The following FAM184B variants were observed in gnomAD, a reference collection of about 807,000 sequenced individuals.
FAM184B encodes the protein family with sequence similarity 184 member B, also known as protein FAM184B.
Under a neutral mutation model 135.9 loss-of-function variants are expected in FAM184B, and 111 were observed. The ratio of observed to expected loss-of-function variants is 0.82; its 90% confidence interval spans 0.70 to 0.96. The LOEUF is 0.96. Ranked by LOEUF, FAM184B falls within the 40% of genes least tolerant of loss-of-function variation. The pLI is 0.00. For synonymous variants in FAM184B, 552 were observed against 524.8 expected (o/e 1.05, Z -0.71); for missense variants, 1,375 against 1,323.9 (o/e 1.04, Z -0.60).
rs1381055487 is a variant in FAM184B at position 17,781,192 on chromosome 4, C to G, written c.108G>C (p.Val36=). ...WRMDCDPQMH[V]KMCKKIAQLT... ...GCTGGGCGATCTTCTTGCACATTTTCACGTGCATCTGGGGATCACAGTCCA... is the reference window on the plus strand; with the variant it reads ...GCTGGGCGATCTTCTTGCACATTTTGACGTGCATCTGGGGATCACAGTCCA... The change falls in exon 1 of 18, where the codon GTG becomes GTC. Residue 36 remains valine, a synonymous_variant. Transcript: ENST00000265018. This position sits in a 1 kb window ranked among gnomAD's most constrained non-coding sequence, Gnocchi z 6.5. 1 of 1,549,980 alleles carries G rather than the reference C, an allele frequency of 6.5e-7. No homozygotes were observed.
intron 1 of FAM184B, among the ~76,000 whole-genome samples, chr4:17,765,949 T>C (rs1046024283): frequency 3.3e-5 from 5 of 152,170 alleles, no homozygotes; most frequent in Non-Finnish European, 7.3e-5. Flanking sequence ...CTAGAATTAC[T>C]CCTTCCTTCT....
chr4:17,765,391 C>CAATATTGATTAT (rs1302041890), intron 1 of FAM184B, among the ~76,000 whole-genome samples: 3 of 151,986 alleles, frequency 2.0e-5, no homozygotes, highest in African/African-American at 7.3e-5. Flanking sequence ...GGGGCCACTA[C>CAATATTGATTAT]AATATTGATT....
intron 1 of FAM184B, among the ~76,000 whole-genome samples, chr4:17,731,096 A>T (rs543992541): frequency 5.9e-5 from 9 of 152,340 alleles, no homozygotes; most frequent in African/African-American, 1.9e-4. Context: ...AGTGAAGGAG[A>T]AATAAAATAC....
At chr4:17,729,198 G>A (rs1717713183) in intron 1 of FAM184B, among the ~76,000 whole-genome samples, 1 of 152,250 alleles carries the variant, frequency 6.6e-6, no homozygotes, top group African/African-American at 2.4e-5. Context: ...CAATGCTGGG[G>A]GAGGGGCGCC....
intron 1 of FAM184B, among the ~76,000 whole-genome samples, chr4:17,761,574 T>G (rs1166341896): frequency 6.6e-6 from 1 of 152,210 alleles, no homozygotes. Flanking sequence ...TTGCCCAGCC[T>G]AGAGTGCAGT....
rs1218314919 is a variant in FAM184B at position 17,632,426 on chromosome 4, TCATAAG to T, written c.*100_*105del. ...ATTTGTTTTAGCTATCATATATAAA[TCATAAG>T]CATATTATTTGGTTGGTTGGTGTTA... On this transcript the variant is annotated 3_prime_UTR_variant, in exon 18 of 18. Transcript: ENST00000265018. The T allele has an allele frequency of 3.1e-6, 3 of 958,530 alleles. No homozygotes were observed. The highest frequency in any genetic ancestry group is 4.6e-6 in the Non-Finnish European group (3 of 645,310). The allele number at this position is 958,530 out of a possible 1,614,324, so 59.4% of individuals were successfully genotyped here.
intron 7 of FAM184B, among the ~76,000 whole-genome samples, chr4:17,669,951 A>G (rs138003051): frequency 0.016 from 2,471 of 152,336 alleles, 77 homozygotes; most frequent in African/African-American, 0.057. Context: ...TACCACATCA[A>G]GAATATATGC....
intron 1 of FAM184B, among the ~76,000 whole-genome samples, chr4:17,759,236 T>A (rs1259444414): frequency 6.6e-6 from 1 of 152,178 alleles, no homozygotes; most frequent in African/African-American, 2.4e-5. Flanking sequence ...ATCCCCAATG[T>A]TGGAAGATTG....
At chr4:17,662,535 A>G (rs1715942749) in intron 8 of FAM184B, among the ~76,000 whole-genome samples, 1 of 152,074 alleles carries the variant, frequency 6.6e-6, no homozygotes, top group South Asian at 2.1e-4. Context: ...ATGAAGTTTC[A>G]CCATGTTGGC....
intron 4 of FAM184B, among the ~76,000 whole-genome samples, chr4:17,705,536 T>C (rs1717089584): frequency 6.6e-6 from 1 of 152,220 alleles, no homozygotes; most frequent in African/African-American, 2.4e-5. Context: ...AAGCCGATGA[T>C]ATAGCGTTGG....
chr4:17,729,767 G>A (rs900404555), intron 1 of FAM184B, among the ~76,000 whole-genome samples: 11 of 152,144 alleles, frequency 7.2e-5, no homozygotes, highest in African/African-American at 1.9e-4. Context: ...CCTTCTGTAC[G>A]TCACCATCAT....
At position 17,705,733 on chromosome 4, in the gene FAM184B, G is replaced by A; in HGVS notation, c.1170+19C>T. On this transcript the variant is annotated intron_variant, in intron 4 of 17. Transcript: ENST00000265018. ...GCTCTCTGTGCCTTCTCCATCCCCA[G>A]GGCTGGGTCAGACACTACCTGCATA... 3.9e-6 allele frequency: 6 copies of A among 1,551,330 alleles called. No individual in the cohort carries two copies. Among genetic ancestry groups the A allele is most frequent in the Non-Finnish European group, 5.2e-6 (6 of 1,146,832 alleles).
intron 1 of FAM184B, among the ~76,000 whole-genome samples, chr4:17,746,419 T>TG: frequency 6.6e-6 from 1 of 152,004 alleles, no homozygotes; most frequent in East Asian, 1.9e-4. Flanking sequence ...AAGAGTCCCT[T>TG]GGGAATGGCT....
intron 11 of FAM184B, 44 bp downstream of exon 11, chr4:17,652,786 C>T (rs906101687): frequency 6.5e-7 from 1 of 1,527,006 alleles, no homozygotes; most frequent in South Asian, 1.2e-5. Flanking sequence ...CATGCAGACC[C>T]TGCAGTTGGC....
At chr4:17,653,876 G>A (rs564196958) in intron 10 of FAM184B, among the ~76,000 whole-genome samples, 22 of 45,008 alleles carry the variant, frequency 4.9e-4, no homozygotes, top group African/African-American at 9.9e-4. Context: ...GGCCGTAGGA[G>A]GCTCAGTGAG....
At chr4:17,645,029 G>A (rs1166445200) in intron 12 of FAM184B, among the ~76,000 whole-genome samples, 2 of 152,138 alleles carry the variant, frequency 1.3e-5, no homozygotes, top group Non-Finnish European at 2.9e-5. Flanking sequence ...ACTTACAAGG[G>A]ATGTTTAGGA....
chr4:17,638,246 G>A (rs1179186930), intron 14 of FAM184B, among the ~76,000 whole-genome samples: 1 of 149,372 alleles, frequency 6.7e-6, no homozygotes, highest in Non-Finnish European at 1.5e-5. Context: ...TGGAGTGCAG[G>A]GGTGCAATCA....
Position 17,633,831 on chromosome 4 carries a change from A to AGGAGGCGAGGTTCG in FAM184B, c.2933_2946dup (p.Tyr983ArgfsTer11). On this transcript the variant is annotated frameshift_variant, in exon 17 of 18. Transcript: ENST00000265018. LOFTEE classifies it high-confidence loss of function. ...TCGCCACTCAGAAAGTTCTTTGCAT[A>AGGAGGCGAGGTTCG]GGAGGCGAGGTTCGGCACGCTGACC... 1 of 1,551,508 alleles carries AGGAGGCGAGGTTCG rather than the reference A, an allele frequency of 6.4e-7. No homozygotes were observed. Among genetic ancestry groups the AGGAGGCGAGGTTCG allele is most frequent in the African/African-American group, 1.4e-5 (1 of 73,160 alleles).
intron 1 of FAM184B, among the ~76,000 whole-genome samples, chr4:17,721,405 A>AAAAAAAAAAAAAAAAAAC (rs1235018517): frequency 6.7e-6 from 1 of 149,614 alleles, no homozygotes; most frequent in Admixed American, 6.7e-5. Context: ...AAAAAAAAAA[A>AAAAAAAAAAAAAAAAAAC]ATCTCTTTGC....
Sources: allele counts gnomAD v4.1 joint callset (sites outside exome capture counted in the v4.1 genomes callset), GRCh38; gene constraint gnomAD v4.1.1; non-coding constraint Gnocchi (gnomAD v3.1); transcripts MANE v1.5; gene names NCBI Gene and HGNC (gene_info 2026-07-23, HGNC 2026-07-21).